Variants in GAR1 observed in about 807,000 individuals in gnomAD.
GAR1 encodes H/ACA ribonucleoprotein complex subunit 1.
In GAR1, 11 loss-of-function variants were observed where a neutral mutation model predicts 29.3. The ratio of observed to expected loss-of-function variants is 0.38; its 90% CI spans 0.24 to 0.62. The LOEUF (loss-of-function observed/expected upper bound fraction) is 0.62, where lower values mean the gene tolerates loss of function less well. Among genes scored for constraint, GAR1 ranks in the 20% least tolerant of loss-of-function variants. GAR1 has a pLI of 0.62. For synonymous variants in GAR1, 87 were observed against 93.3 expected, an observed-to-expected ratio of 0.93 and a Z score of 0.39; for missense variants, 237 against 268.4, an observed-to-expected ratio of 0.88 and a Z score of 0.82.
Position 109,822,422 on chromosome 4 carries a change from A to G in GAR1, c.505A>G (p.Arg169Gly). 1 of 1,611,234 alleles carries G rather than the reference A, an allele frequency of 6.2e-7. No individual in the cohort carries two copies. The highest frequency in any genetic ancestry group is 8.5e-7 in the Non-Finnish European group (1 of 1,177,758). ...ACCTCCAGGTGAGAAAGGACCTCCA[A>G]GAGGTGGTGGCAGGGGAGGCCGAGG... ...PRPPGEKGPP[R>G]GGGRGGRGGG... is the part of the protein sequence containing the mutation. Residue 169 changes from arginine to glycine, a missense_variant, in exon 5 of 7, where the codon AGA becomes GGA. Coordinates refer to ENST00000226796, the MANE Select transcript of GAR1 (RefSeq NM_018983.4).
chr4:109,821,864 A>T lies in GAR1; in HGVS notation c.430-483A>T, dbSNP rs116603653. ...ATACTCTATTCTCTACATTTTACAG[A>T]TAAGGAAACTAAGGTAAACTAACAC... On this transcript the variant is annotated intron_variant, in intron 4 of 6. Coordinates refer to ENST00000226796, the MANE Select transcript of GAR1 (RefSeq NM_018983.4). Among the ~76,000 whole-genome samples, 532 of 152,240 alleles carry T rather than the reference A, an allele frequency of 3.5e-3. 1 individual carries two copies. Among genetic ancestry groups the T allele is most frequent in the Non-Finnish European group, 4.7e-3 (320 of 68,026 alleles).
At chr4:109,821,800 A>G (rs1311586320) in intron 4 of GAR1, among the ~76,000 whole-genome samples, 1 of 152,152 alleles carries the variant, frequency 6.6e-6, no homozygotes, top group African/African-American at 2.4e-5. Context: ...TGCCTTATAT[A>G]CATCACTTTT....
chr4:109,821,528 G>A (rs1733511318), intron 4 of GAR1, among the ~76,000 whole-genome samples: 1 of 152,096 alleles, frequency 6.6e-6, no homozygotes, highest in Non-Finnish European at 1.5e-5. Flanking sequence ...CCAATTATAG[G>A]ATGGGTATAG....
At chr4:109,821,755 A>T (rs754123820) in intron 4 of GAR1, among the ~76,000 whole-genome samples, 19 of 152,206 alleles carry the variant, frequency 1.2e-4, no homozygotes, top group Admixed American at 3.3e-4. Context: ...ATTTTTTAAT[A>T]TGCATGTAAT....
At chr4:109,816,568 GA>G (rs1733359390) in intron 2 of GAR1, among the ~76,000 whole-genome samples, 190 bp downstream of exon 2, 1 of 152,186 alleles carries the variant, frequency 6.6e-6, no homozygotes. Flanking sequence ...GGGTTGACAG[GA>G]AGATATTAAA....
At chr4:109,818,891 T>C in intron 3 of GAR1, 110 bp from the exon 4 acceptor site, 1 of 635,382 alleles carries the variant, frequency 1.6e-6, no homozygotes, top group Non-Finnish European at 2.9e-6. Flanking sequence ...TTATCTTTCC[T>C]ATATATATCC....
In GAR1 at chr4:109,823,977, G is replaced by T. The variant is rs780582421; in HGVS notation, c.584G>T (p.Gly195Val). Residue 195 changes from glycine to valine, a missense_variant, in exon 6 of 7, where the codon GGT (glycine) becomes GTT (valine). Gly to Val is a moderately radical substitution (Grantham distance 109). Coordinates refer to ENST00000226796, the MANE Select transcript of GAR1 (RefSeq NM_018983.4). ...AAATGTTTTTTAGGTGGTTTTAGAG[G>T]TGGAAGAGGAGGTGGAGGTGGGGGC... ...RGGGRGGGFR[G>V]GRGGGGGGFR... The T allele has an allele frequency of 6.2e-7, 1 of 1,603,852 alleles. No homozygotes were observed. Among genetic ancestry groups the T allele is most frequent in the South Asian group, 1.1e-5 (1 of 90,138 alleles).
At position 109,817,149 on chromosome 4, in the gene GAR1, T is replaced by G. The variant is rs562552424; in HGVS notation, c.214+771T>G. On this transcript the variant is annotated intron_variant, in intron 2 of 6. Coordinates refer to ENST00000226796, the MANE Select transcript of GAR1 (RefSeq NM_018983.4). The stretch of plus-strand genomic sequence containing the variant: ...TAAAAGGTCCCAGCCCACAAGCTGT[T>G]GTACCAGTCCATACATGAGACCTTG... 1.5e-3 allele frequency among the ~76,000 whole-genome samples: 226 copies of G among 152,280 alleles called. 1 individual carries two copies. Among genetic ancestry groups the G allele is most frequent in the African/African-American group, 4.3e-3 (180 of 41,562 alleles).
At chr4:109,823,696 C>T (rs1382100660) in intron 5 of GAR1, among the ~76,000 whole-genome samples, 1 of 152,080 alleles carries the variant, frequency 6.6e-6, no homozygotes, top group Admixed American at 6.5e-5. Flanking sequence ...CATACTTTAA[C>T]AAGTTTTTCT....
intron 4 of GAR1, among the ~76,000 whole-genome samples, chr4:109,821,453 T>C (rs773583812): frequency 6.6e-6 from 1 of 152,230 alleles, no homozygotes; most frequent in Non-Finnish European, 1.5e-5. Flanking sequence ...GTGTGTTTTA[T>C]GTAGAAGAAC....
chr4:109,818,370 C>T (rs781647139), intron 3 of GAR1, among the ~76,000 whole-genome samples: 1 of 151,864 alleles, frequency 6.6e-6, no homozygotes, highest in Non-Finnish European at 1.5e-5. Flanking sequence ...TGTAGTGGTG[C>T]CACTGGAAAT....
chr4:109,823,844 TTATTG>T, intron 5 of GAR1, 116 bp from the exon 6 acceptor site: 1 of 539,266 alleles, frequency 1.9e-6, no homozygotes, highest in Non-Finnish European at 3.2e-6. Flanking sequence ...ATAATTATAG[TTATTG>T]TATTGATCTT....
At position 109,822,404 on chromosome 4, in the gene GAR1, G is replaced by T; in HGVS notation, c.487G>T (p.Gly163Cys). 1 of 1,611,882 alleles carries T rather than the reference G, an allele frequency of 6.2e-7. No individual in the cohort carries two copies. The highest frequency in any genetic ancestry group is 8.5e-7 in the Non-Finnish European group (1 of 1,178,718). ...GCAGAGGTTTTTACCTCGACCTCCA[G>T]GTGAGAAAGGACCTCCAAGAGGTGG... ...PLQRFLPRPP[G>C]EKGPPRGGGR... The change falls in exon 5 of 7, where the codon GGT (glycine) becomes TGT (cysteine). Residue 163 changes from glycine (G) to cysteine (C), a missense_variant. Gly to Cys is a radical substitution (Grantham distance 159). Coordinates refer to ENST00000226796, the MANE Select transcript of GAR1 (RefSeq NM_018983.4).
At position 109,816,257 on chromosome 4, in the gene GAR1, TGGA is replaced by T. The variant is rs762679702; in HGVS notation, c.96_98del (p.Gly39del). ...GTGGCAGCAGCAACCACTTCCGAGGTGGAGGCGGCGGTGGAGGCGGCGGCAATT... is the reference window on the plus strand; with the variant it reads ...GTGGCAGCAGCAACCACTTCCGAGGTGGCGGCGGTGGAGGCGGCGGCAATT... On this transcript the variant is annotated inframe_deletion, in exon 2 of 7. Coordinates refer to ENST00000226796, the MANE Select transcript of GAR1 (RefSeq NM_018983.4). 22 of 1,604,216 alleles carry T rather than the reference TGGA, an allele frequency of 1.4e-5. No individual in the cohort carries two copies. In the African/African-American group the frequency reaches 2.7e-4, roughly 20 times the overall value.
upstream of GAR1, chr4:109,815,613 A>C: frequency 6.2e-6 from 1 of 162,016 alleles, no homozygotes; most frequent in Non-Finnish European, 1.4e-5. Flanking sequence ...TCCAGCGCTA[A>C]AGGCTGTTTT....
chr4:109,816,822 CCTGT>C (rs1353427732), intron 2 of GAR1, among the ~76,000 whole-genome samples: 1 of 152,194 alleles, frequency 6.6e-6, no homozygotes, highest in Non-Finnish European at 1.5e-5. Context: ...AGCAGGAGAC[CCTGT>C]CTGTACAGAA....
chr4:109,823,864 G>T lies in GAR1; in HGVS notation c.572-101G>T, dbSNP rs1298909246. ...TATAGTTATTGTATTGATCTTTTTA[G>T]GCTTATCAATATAAGAGGTTATACA... On this transcript the variant is annotated intron_variant, in intron 5 of 6. Coordinates refer to ENST00000226796, the MANE Select transcript of GAR1 (RefSeq NM_018983.4). 2.1e-5 allele frequency: 14 copies of T among 669,458 alleles called. No individual in the cohort carries two copies. In the Admixed American group the frequency reaches 3.3e-4, roughly 16 times the overall value. 41.5% of individuals were successfully genotyped at this position (669,458 alleles called of 1,614,324 possible).
rs758891221 is a variant in GAR1, at chr4:109,823,968, G to T, written c.575G>T (p.Gly192Val). The stretch of plus-strand genomic sequence containing the variant: ...TTATTTAATAAATGTTTTTTAGGTG[G>T]TTTTAGAGGTGGAAGAGGAGGTGGA... Reference protein sequence around the residue: ...GGGRGGGRGGGFRGGRGGGGG... With the variant: ...GGGRGGGRGGVFRGGRGGGGG... Residue 192 changes from glycine to valine, a missense_variant, in exon 6 of 7, where the codon GGT (glycine) becomes GTT (valine). Transcript: ENST00000226796. The T allele has an allele frequency of 5.0e-6, 8 of 1,596,100 alleles. No homozygotes were observed. Among genetic ancestry groups the T allele is most frequent in the Non-Finnish European group, 6.9e-6 (8 of 1,165,298 alleles).
At position 109,818,006 on chromosome 4, in the gene GAR1, G is replaced by A; in HGVS notation, c.285G>A (p.Val95=). 6.3e-7 allele frequency: 1 copy of A among 1,598,188 alleles called. No individual in the cohort carries two copies. Reference sequence around the variant, plus strand: ...AATGTACCACAGATGAAAATAAGGTGCCTTATTTCAATGCTCCTGTTTACT... The same window carrying A: ...AATGTACCACAGATGAAAATAAGGTACCTTATTTCAATGCTCCTGTTTACT... ...VCKCTTDENK[V]PYFNAPVYLE... The change falls in exon 3 of 7, where the codon GTG becomes GTA. Residue 95 remains valine (V), a synonymous_variant. Transcript: ENST00000226796.
Sources: gnomAD v4.1 joint callset for allele counts (sites outside exome capture counted in the v4.1 genomes callset) on GRCh38, gnomAD v4.1.1 for gene constraint, MANE v1.5 for transcripts, NCBI Gene and HGNC (gene_info 2026-07-23, HGNC 2026-07-21) for gene names.